Variants in CPE observed in about 807,000 individuals in gnomAD.
The protein encoded by CPE is carbocypeptidase E.
In CPE, 17 loss-of-function variants were observed where a neutral mutation model predicts 53.5. The ratio of observed to expected loss-of-function variants is 0.32; its 90% CI spans 0.22 to 0.48. The LOEUF (loss-of-function observed/expected upper bound fraction) is 0.48, where lower values mean the gene tolerates loss of function less well. Ranked by LOEUF, CPE falls within the 20% of genes least tolerant of loss-of-function variation. The pLI is 0.99. For missense variants in CPE, 524 were observed against 614.7 expected, an observed-to-expected ratio of 0.85 and a Z score of 1.56; for synonymous variants, 226 against 228.8, an observed-to-expected ratio of 0.99 and a Z score of 0.11.
chr4:165,379,254 T>A lies in CPE; in HGVS notation c.33T>A (p.Ala11=), dbSNP rs1261815682. The A allele has an allele frequency of 7.5e-7, 1 of 1,336,320 alleles. No individual in the cohort carries two copies. The highest frequency in any genetic ancestry group is 9.5e-7 in the Non-Finnish European group (1 of 1,049,156). 82.8% of individuals were successfully genotyped at this position (1,336,320 alleles called of 1,614,324 possible). A position where few individuals can be genotyped will look rare whatever the true frequency, so the allele number is the denominator to read the frequency against. MAGRGGSALL[A]LCGALAACGW... Reference sequence around the variant, plus strand: ...GGCGAGGGGGCAGCGCGCTGCTGGCTCTGTGCGGGGCACTGGCTGCCTGCG... The same window carrying A: ...GGCGAGGGGGCAGCGCGCTGCTGGCACTGTGCGGGGCACTGGCTGCCTGCG... Residue 11 remains alanine (A), a synonymous_variant, in exon 1 of 9, where the codon GCT becomes GCA. Coordinates refer to ENST00000402744, the MANE Select transcript of CPE (RefSeq NM_001873.4). The surrounding 1 kb of genome is among the most constrained non-coding windows in gnomAD (Gnocchi z 6.0).
intron 4 of CPE, 102 bp downstream of exon 4, chr4:165,482,461 A>T: frequency 1.3e-6 from 1 of 792,010 alleles, no homozygotes; most frequent in Non-Finnish European, 2.1e-6. Context: ...CTGAACATTA[A>T]GTGATTTTTG....
chr4:165,479,626 C>A (rs1287391969), intron 3 of CPE, among the ~76,000 whole-genome samples: 2 of 152,096 alleles, frequency 1.3e-5, no homozygotes, highest in Non-Finnish European at 2.9e-5. Flanking sequence ...ATTTTAATTA[C>A]AAAATTTGAA....
intron 1 of CPE, among the ~76,000 whole-genome samples, chr4:165,458,872 TA>T (rs1230653418): frequency 6.6e-5 from 10 of 152,244 alleles, no homozygotes; most frequent in Non-Finnish European, 1.2e-4. Flanking sequence ...AGAGTGAAAG[TA>T]AATTTTCTTT....
intron 7 of CPE, 109 bp downstream of exon 7, chr4:165,493,379 C>T (rs1394308349): frequency 1.3e-6 from 1 of 767,574 alleles, no homozygotes. Flanking sequence ...TAGCTCGTAT[C>T]TCTACAGCGT....
At chr4:165,401,252 T>C (rs1730863663) in intron 1 of CPE, among the ~76,000 whole-genome samples, 1 of 152,182 alleles carries the variant, frequency 6.6e-6, no homozygotes, top group African/African-American at 2.4e-5. Context: ...ACACGCCTTT[T>C]CCATAGACAG....
At chr4:165,411,719 T>A (rs1008677133) in intron 1 of CPE, among the ~76,000 whole-genome samples, 1 of 152,174 alleles carries the variant, frequency 6.6e-6, no homozygotes, top group African/African-American at 2.4e-5. Context: ...ATCTGGTTTA[T>A]CTGATCAAGT....
chr4:165,432,349 G>A (rs1339621996), intron 1 of CPE, among the ~76,000 whole-genome samples: 2 of 152,148 alleles, frequency 1.3e-5, no homozygotes, highest in African/African-American at 4.8e-5. Context: ...AGGCTGGAGT[G>A]CAGTGGCACA....
intron 1 of CPE, among the ~76,000 whole-genome samples, chr4:165,463,606 C>G (rs1222625990): frequency 6.6e-6 from 1 of 152,176 alleles, no homozygotes; most frequent in Non-Finnish European, 1.5e-5. Flanking sequence ...TTTAAGTAAA[C>G]CAGAAGACTA....
chr4:165,432,233 C>T (rs563370651), intron 1 of CPE, among the ~76,000 whole-genome samples: 15 of 152,284 alleles, frequency 9.9e-5, no homozygotes, highest in South Asian at 8.3e-4. Context: ...GCACTGATGA[C>T]GGATGTGCTA....
rs1228123095 is a variant in CPE at position 165,422,970 on chromosome 4, CTGTCT to C, written c.308-41419_308-41415del. Reference sequence around the variant, plus strand: ...CCAGCCTGGGCGACAGAACGAAACTCTGTCTCAAAAAAAAAAAAAAAAAAAAAGAT... The same window carrying C: ...CCAGCCTGGGCGACAGAACGAAACTCCAAAAAAAAAAAAAAAAAAAAAGAT... On this transcript the variant is annotated intron_variant, in intron 1 of 8. Coordinates refer to ENST00000402744, the MANE Select transcript of CPE (RefSeq NM_001873.4). Among the ~76,000 whole-genome samples, 2 of 94,554 alleles carry C rather than the reference CTGTCT, an allele frequency of 2.1e-5. 1 individual carries two copies. Among genetic ancestry groups the C allele is most frequent in the East Asian group, 7.2e-4 (2 of 2,770 alleles). 62.0% of individuals were successfully genotyped at this position (94,554 alleles called of 152,430 possible).
chr4:165,459,678 G>GGC (rs1553976482), intron 1 of CPE, among the ~76,000 whole-genome samples: 2 of 131,868 alleles, frequency 1.5e-5, no homozygotes, highest in East Asian at 2.5e-4. Flanking sequence ...GCTGGGTGGG[G>GGC]GGGGGCGGGG....
At chr4:165,452,741 C>T (rs1450131602) in intron 1 of CPE, among the ~76,000 whole-genome samples, 1 of 152,216 alleles carries the variant, frequency 6.6e-6, no homozygotes, top group Non-Finnish European at 1.5e-5. Flanking sequence ...AGTCTGCTGG[C>T]ATCATTGCAT....
chr4:165,463,204 T>G (rs1732039164), intron 1 of CPE, among the ~76,000 whole-genome samples: 2 of 152,164 alleles, frequency 1.3e-5, no homozygotes, highest in Non-Finnish European at 2.9e-5. Flanking sequence ...ACCATAAGGA[T>G]AATAAAAATA....
chr4:165,431,179 C>T (rs1360838319), intron 1 of CPE, among the ~76,000 whole-genome samples: 1 of 152,218 alleles, frequency 6.6e-6, no homozygotes, highest in African/African-American at 2.4e-5. Context: ...GTTACCTTCA[C>T]ACCTATCACT....
chr4:165,484,478 C>G lies in CPE; in HGVS notation c.847C>G (p.Arg283Gly), dbSNP rs142408232. ...PDDAIFQSLA[R>G]AYSSFNPAMS... ...TGACGCCATTTTCCAAAGCTTGGCC[C>G]GGGCATACTCTTCTTTCAACCCGGC... The change falls in exon 5 of 9, where the codon CGG (arginine) becomes GGG (glycine). Residue 283 changes from arginine (R) to glycine (G), a missense_variant. Transcript: ENST00000402744. The G allele has an allele frequency of 2.5e-6, 4 of 1,614,020 alleles. No individual in the cohort carries two copies. In the African/African-American group the frequency reaches 4.0e-5, roughly 16 times the overall value.
In CPE at chr4:165,379,834, G is replaced by A. The variant is rs149172328; in HGVS notation, c.307+306G>A. Reference sequence around the variant, plus strand: ...AGGCTGGGGTGGCGGGGGATGGGGGGGATAGCAATACAGAAAAAACAAATC... The same window carrying A: ...AGGCTGGGGTGGCGGGGGATGGGGGAGATAGCAATACAGAAAAAACAAATC... On this transcript the variant is annotated intron_variant, in intron 1 of 8. Transcript: ENST00000402744. The surrounding 1 kb of genome is among the most constrained non-coding windows in gnomAD (Gnocchi z 6.0). 4.1e-3 allele frequency among the ~76,000 whole-genome samples: 628 copies of A among 152,256 alleles called. 4 individuals are homozygous for A. Among genetic ancestry groups the A allele is most frequent in the African/African-American group, 0.014 (576 of 41,524 alleles).
At chr4:165,477,236 T>C (rs1732320248) in intron 3 of CPE, among the ~76,000 whole-genome samples, 1 of 152,236 alleles carries the variant, frequency 6.6e-6, no homozygotes, top group Non-Finnish European at 1.5e-5. Flanking sequence ...TTTGTATTTC[T>C]AGCTTAGGCA....
intron 5 of CPE, among the ~76,000 whole-genome samples, chr4:165,487,083 A>T (rs1732517242): frequency 6.6e-6 from 1 of 152,126 alleles, no homozygotes; most frequent in African/African-American, 2.4e-5. Context: ...AGAAAGGTAG[A>T]CTTAGAGGGA....
chr4:165,422,821 C>G lies in CPE; in HGVS notation c.308-41569C>G, dbSNP rs1286846291. On this transcript the variant is annotated intron_variant, in intron 1 of 8. Coordinates refer to ENST00000402744, the MANE Select transcript of CPE (RefSeq NM_001873.4). The stretch of plus-strand genomic sequence containing the variant: ...TGAAACCCCGTCTCTATTAAAAACA[C>G]AAAAAATTAGCCGGGTGTGGTGGCG... Among the ~76,000 whole-genome samples, 11 of 151,812 alleles carry G rather than the reference C, an allele frequency of 7.2e-5. No individual in the cohort carries two copies. The East Asian group carries it at 2.1e-3, about 29-fold the overall frequency.
Sources: gnomAD v4.1 joint callset for allele counts (sites outside exome capture counted in the v4.1 genomes callset) on GRCh38, gnomAD v4.1.1 for gene constraint, Gnocchi (gnomAD v3.1) non-coding constraint, MANE v1.5 for transcripts, NCBI Gene and HGNC (gene_info 2026-07-23, HGNC 2026-07-21) for gene names.